The following NTM variants were observed in gnomAD, a reference collection of about 807,000 sequenced individuals.
The protein encoded by NTM is neurotrimin.
A neutral mutation model predicts 42.1 loss-of-function variants in NTM; 13 were observed. The ratio of observed to expected loss-of-function variants is 0.31; its 90% CI spans 0.20 to 0.49. NTM has a LOEUF of 0.49. Ranked by LOEUF, NTM falls within the 20% of genes least tolerant of loss-of-function variation. The pLI is 0.99. For missense variants in NTM, 373 were observed against 452.8 expected (o/e 0.82, Z 1.60); for synonymous variants, 187 against 179.2 (o/e 1.04, Z -0.35).
At chr11:131,630,870 TC>T (rs2063586341) in intron 1 of NTM, among the ~76,000 whole-genome samples, 1 of 152,236 alleles carries the variant, frequency 6.6e-6, no homozygotes. Context: ...TAGAATTTTT[TC>T]CCTGTGAAAA....
At chr11:131,669,603 A>G (rs1488881183) in intron 1 of NTM, among the ~76,000 whole-genome samples, 1 of 152,148 alleles carries the variant, frequency 6.6e-6, no homozygotes, top group Non-Finnish European at 1.5e-5. Flanking sequence ...TCAGCAATTC[A>G]GCGGTGGGGG....
chr11:132,042,685 G>T (rs1195477994), intron 2 of NTM, among the ~76,000 whole-genome samples: 1 of 152,208 alleles, frequency 6.6e-6, no homozygotes, highest in African/African-American at 2.4e-5. Flanking sequence ...AGACATCATG[G>T]TCAGAAATAC....
chr11:131,870,099 C>A (rs2047625480), intron 1 of NTM, among the ~76,000 whole-genome samples: 1 of 152,166 alleles, frequency 6.6e-6, no homozygotes, highest in Non-Finnish European at 1.5e-5. Flanking sequence ...GGAATTCTGG[C>A]TCGAGTCTTT....
intron 1 of NTM, among the ~76,000 whole-genome samples, chr11:131,526,316 G>T (rs2050471699): frequency 6.6e-6 from 1 of 152,220 alleles, no homozygotes; most frequent in Admixed American, 6.5e-5. Context: ...GCTGGGGATG[G>T]CTGATTGGGC....
intron 1 of NTM, among the ~76,000 whole-genome samples, chr11:131,375,126 G>T (rs1459944624): frequency 6.6e-6 from 1 of 152,138 alleles, no homozygotes; most frequent in East Asian, 1.9e-4. Context: ...ATAGCTCCAT[G>T]GGGGACATGT....
chr11:131,499,940 A>C (rs948014544), intron 1 of NTM, among the ~76,000 whole-genome samples: 2 of 152,304 alleles, frequency 1.3e-5, no homozygotes, highest in Admixed American at 1.3e-4. Context: ...CATCACTGCC[A>C]AGAAAACCCC....
At chr11:131,927,030 G>A (rs979761432) in intron 2 of NTM, among the ~76,000 whole-genome samples, 3 of 152,282 alleles carry the variant, frequency 2.0e-5, no homozygotes, top group Admixed American at 2.0e-4. Flanking sequence ...AAGTAGGCAC[G>A]TATTTGGAAT....
rs569784978 is a variant in NTM, at chr11:131,742,087, G to C, written c.83-169477G>C. Among the ~76,000 whole-genome samples the C allele has an allele frequency of 2.0e-5, 3 of 152,328 alleles. No individual in the cohort carries two copies. The South Asian group carries it at 6.2e-4, about 32-fold the overall frequency. ...GGGCCTATTGGAGGGTGGAGGCTGG[G>C]AGGTGGGTGAGGACCAGGAAAAATA... On this transcript the variant is annotated intron_variant, in intron 1 of 8. Transcript: ENST00000683400.
chr11:131,566,886 T>C lies in NTM; in HGVS notation c.82+195998T>C, dbSNP rs541488029. 6.6e-5 allele frequency among the ~76,000 whole-genome samples: 10 copies of C among 152,264 alleles called. 1 individual carries two copies. In the East Asian group the frequency reaches 9.7e-4, roughly 15 times the overall value. On this transcript the variant is annotated intron_variant, in intron 1 of 8. Coordinates refer to ENST00000683400, the MANE Select transcript of NTM (RefSeq NM_001352005.2). ...CCAAAGATGCTCAGTAGAATATCAA[T>C]TGCCTGTGATTAGAAGTCCTGCCCG... is the stretch of plus-strand genomic sequence containing the variant.
chr11:132,251,596 C>A (rs1358012636), intron 4 of NTM, among the ~76,000 whole-genome samples: 1 of 152,200 alleles, frequency 6.6e-6, no homozygotes, highest in Admixed American at 6.5e-5. Flanking sequence ...CACTGCTCAC[C>A]AGCTGTTTCA....
At chr11:131,801,517 A>G (rs1227638294) in intron 1 of NTM, among the ~76,000 whole-genome samples, 1 of 152,208 alleles carries the variant, frequency 6.6e-6, no homozygotes, top group East Asian at 1.9e-4. Flanking sequence ...GTTTCGCCAT[A>G]GCACAGGGTC....
intron 1 of NTM, among the ~76,000 whole-genome samples, chr11:131,769,050 G>T (rs900335396): frequency 2.0e-5 from 3 of 152,284 alleles, no homozygotes; most frequent in East Asian, 1.9e-4. Context: ...GGTAAACATT[G>T]ACCTGAATTA....
intron 4 of NTM, chr11:132,306,475 A>T (rs1404380259): frequency 6.6e-6 from 1 of 152,232 alleles, no homozygotes; most frequent in Non-Finnish European, 1.5e-5. Flanking sequence ...ACAGGTGGGC[A>T]GCACACGAGA....
intron 1 of NTM, among the ~76,000 whole-genome samples, chr11:131,868,724 G>T (rs1314018147): frequency 6.6e-6 from 1 of 152,068 alleles, no homozygotes; most frequent in Non-Finnish European, 1.5e-5. Flanking sequence ...ATTTCCAAAT[G>T]ACTCCTCAAA....
intron 2 of NTM, among the ~76,000 whole-genome samples, chr11:132,125,804 G>GTGTTGTGTGTTGTGTATC: frequency 1.5e-3 from 1 of 686 alleles, no homozygotes; most frequent in East Asian, 0.026. Context: ...GTGTATCTGT[G>GTGTTGTGTGTTGTGTATC]TGTGCTGTGT....
At chr11:131,401,812 A>ATATATATATATATATATATATATATGTG (rs1945186752) in intron 1 of NTM, among the ~76,000 whole-genome samples, 1 of 21,614 alleles carries the variant, frequency 4.6e-5, no homozygotes, top group Non-Finnish European at 7.9e-5. Context: ...ATATATATAT[A>ATATATATATATATATATATATATATGTG]TATATATATA....
intron 2 of NTM, among the ~76,000 whole-genome samples, chr11:132,086,019 C>T (rs1304158697): frequency 6.6e-6 from 1 of 152,126 alleles, no homozygotes; most frequent in African/African-American, 2.4e-5. Context: ...GCCTTTCATA[C>T]ATGCATTAAG....
chr11:131,947,573 G>A (rs537413332), intron 2 of NTM, among the ~76,000 whole-genome samples: 3 of 152,240 alleles, frequency 2.0e-5, no homozygotes, highest in East Asian at 1.9e-4. Context: ...GATACACGCT[G>A]GTATGAAACA....
chr11:132,255,116 A>G (rs1329504339), intron 4 of NTM, among the ~76,000 whole-genome samples: 1 of 152,210 alleles, frequency 6.6e-6, no homozygotes, highest in Non-Finnish European at 1.5e-5. Context: ...AAAGATGTGG[A>G]AGTGGTGGAT....
Sources: gnomAD v4.1 joint callset for allele counts (sites outside exome capture counted in the v4.1 genomes callset) on GRCh38, gnomAD v4.1.1 for gene constraint, MANE v1.5 for transcripts, NCBI Gene and HGNC (gene_info 2026-07-23, HGNC 2026-07-21) for gene names.